Variants in DOCK3 observed in about 807,000 individuals in gnomAD.
DOCK3 encodes the protein dedicator of cytokinesis 3.
DOCK3 carries 60 observed loss-of-function variants against 265.6 expected under a neutral mutation model. The ratio of observed to expected loss-of-function variants is 0.23; its 90% CI spans 0.18 to 0.28. The LOEUF (loss-of-function observed/expected upper bound fraction) is 0.28. DOCK3 is among the 10% of genes least tolerant of loss of function. The probability of loss-of-function intolerance (pLI) is 1.00; values close to 1 mark genes in which losing one functional copy is unlikely to be tolerated. For missense variants in DOCK3, 1,981 were observed against 2,594.3 expected (o/e 0.76, Z 5.14); for synonymous variants, 881 against 938.0 (o/e 0.94, Z 1.11).
intron 5 of DOCK3, among the ~76,000 whole-genome samples, chr3:51,040,111 C>A (rs949923243): frequency 6.6e-6 from 1 of 151,924 alleles, no homozygotes; most frequent in Non-Finnish European, 1.5e-5. Flanking sequence ...ACTAATCAAT[C>A]TGTTTGTACT....
chr3:51,253,588 C>G (rs1308807216), intron 22 of DOCK3, among the ~76,000 whole-genome samples: 1 of 152,046 alleles, frequency 6.6e-6, no homozygotes, highest in Non-Finnish European at 1.5e-5. Flanking sequence ...CTGGTTTAGT[C>G]TTGGGGGGTT....
intron 27 of DOCK3, among the ~76,000 whole-genome samples, chr3:51,281,724 T>C (rs543317277): frequency 6.6e-6 from 1 of 152,298 alleles, no homozygotes; most frequent in East Asian, 1.9e-4. Context: ...TCAGTGCTGA[T>C]TACAAACTCT....
chr3:51,265,095 ACT>A (rs2080090108), intron 23 of DOCK3, among the ~76,000 whole-genome samples: 2 of 152,094 alleles, frequency 1.3e-5, no homozygotes, highest in South Asian at 4.1e-4. Context: ...TAAACTAGAA[ACT>A]CTGGAAGAAA....
At chr3:51,011,434 C>T (rs1199324752) in intron 5 of DOCK3, among the ~76,000 whole-genome samples, 2 of 152,188 alleles carry the variant, frequency 1.3e-5, no homozygotes, top group Non-Finnish European at 2.9e-5. Context: ...GAAGCTTGTG[C>T]ATTCGTCACA....
intron 1 of DOCK3, among the ~76,000 whole-genome samples, chr3:50,705,715 G>A (rs186792275): frequency 1.3e-5 from 2 of 152,044 alleles, no homozygotes; most frequent in African/African-American, 2.4e-5. Context: ...CTGCCCAGTC[G>A]AGATCTGATG....
chr3:51,194,818 A>G, intron 12 of DOCK3, among the ~76,000 whole-genome samples: 1 of 148,246 alleles, frequency 6.7e-6, no homozygotes, highest in South Asian at 2.1e-4. Context: ...GCTAAGGTGA[A>G]TATCTTTTTT....
chr3:50,924,891 G>A (rs1308781294), intron 4 of DOCK3, among the ~76,000 whole-genome samples: 1 of 152,166 alleles, frequency 6.6e-6, no homozygotes, highest in African/African-American at 2.4e-5. Context: ...AAGGAAAATG[G>A]GCTTCTCTTT....
chr3:51,032,714 C>T (rs942918374), intron 5 of DOCK3, among the ~76,000 whole-genome samples: 3 of 151,986 alleles, frequency 2.0e-5, no homozygotes, highest in African/African-American at 7.2e-5. Context: ...TTAAGACCAG[C>T]ATAAGCAACA....
chr3:51,122,212 G>T (rs2084052959), intron 9 of DOCK3, among the ~76,000 whole-genome samples: 1 of 152,218 alleles, frequency 6.6e-6, no homozygotes, highest in Non-Finnish European at 1.5e-5. Flanking sequence ...TGGTGCAGTG[G>T]CTCATGCCTG....
intron 7 of DOCK3, among the ~76,000 whole-genome samples, chr3:51,078,168 T>C (rs116282251): frequency 0.014 from 2,156 of 152,250 alleles, 25 homozygotes; most frequent in Non-Finnish European, 0.024. Context: ...TGGTGATTGC[T>C]GTCTGCAGAG....
At chr3:50,741,430 C>T (rs1206931180) in intron 1 of DOCK3, among the ~76,000 whole-genome samples, 4 of 115,578 alleles carry the variant, frequency 3.5e-5, no homozygotes, top group Admixed American at 3.1e-4. Flanking sequence ...CCCCCTCCCC[C>T]CACCCCACAA....
At chr3:51,184,950 A>G (rs1560176204) in intron 12 of DOCK3, among the ~76,000 whole-genome samples, 1 of 152,146 alleles carries the variant, frequency 6.6e-6, no homozygotes, top group South Asian at 2.1e-4. Context: ...CTCAAAACAC[A>G]TTACTTCTAA....
chr3:50,978,945 A>T (rs2077585781), intron 5 of DOCK3, among the ~76,000 whole-genome samples: 1 of 152,186 alleles, frequency 6.6e-6, no homozygotes, highest in Non-Finnish European at 1.5e-5. Flanking sequence ...TGACTAGGAA[A>T]GGGAACTCCC....
intron 1 of DOCK3, among the ~76,000 whole-genome samples, chr3:50,730,790 C>G (rs1226885721): frequency 6.6e-6 from 1 of 151,622 alleles, no homozygotes; most frequent in Non-Finnish European, 1.5e-5. Context: ...AGGATCACAC[C>G]ACTGCACGCC....
intron 1 of DOCK3, among the ~76,000 whole-genome samples, chr3:50,769,643 T>C (rs1324351118): frequency 5.3e-5 from 8 of 151,806 alleles, no homozygotes; most frequent in Non-Finnish European, 1.0e-4. Context: ...AAACCCTGTC[T>C]CTACTAAAAA....
intron 1 of DOCK3, among the ~76,000 whole-genome samples, chr3:50,772,735 G>T (rs544062595): frequency 6.6e-6 from 1 of 152,114 alleles, no homozygotes; most frequent in Non-Finnish European, 1.5e-5. Flanking sequence ...TAACCACAGA[G>T]GTGAAAGATT....
At chr3:51,071,858 A>C (rs1424444451) in intron 6 of DOCK3, among the ~76,000 whole-genome samples, 1 of 152,212 alleles carries the variant, frequency 6.6e-6, no homozygotes, top group Admixed American at 6.5e-5. Flanking sequence ...TGTAGTGAAC[A>C]TGTATTGGTT....
At chr3:50,702,631 A>G (rs1020389204) in intron 1 of DOCK3, among the ~76,000 whole-genome samples, 12 of 151,842 alleles carry the variant, frequency 7.9e-5, no homozygotes, top group African/African-American at 2.7e-4. Flanking sequence ...GTCCTCCCAA[A>G]TGGCTGGGAT....
intron 27 of DOCK3, among the ~76,000 whole-genome samples, chr3:51,305,176 T>C (rs907681522): frequency 4.6e-5 from 7 of 152,236 alleles, no homozygotes; most frequent in Admixed American, 6.5e-5. Context: ...TCAACTATTA[T>C]TGAATTGTCT....
Sources: gnomAD v4.1 joint callset for allele counts (sites outside exome capture counted in the v4.1 genomes callset) on GRCh38, gnomAD v4.1.1 for gene constraint, MANE v1.5 for transcripts, NCBI Gene and HGNC (gene_info 2026-07-23, HGNC 2026-07-21) for gene names.